Variants in TAFA1 observed in about 807,000 individuals in gnomAD.
TAFA1 encodes chemokine-like protein TAFA-1.
TAFA1 carries 4 observed loss-of-function variants against 18.5 expected under a neutral mutation model. The observed-to-expected ratio is 0.22, with a 90% confidence interval of 0.11 to 0.49. The LOEUF (loss-of-function observed/expected upper bound fraction) is 0.49. Among genes scored for constraint, TAFA1 ranks in the 20% least tolerant of loss-of-function variants. The pLI is 0.98. For missense variants in TAFA1, 147 were observed against 169.0 expected, an observed-to-expected ratio of 0.87 and a Z score of 0.72; for synonymous variants, 56 against 55.2, an observed-to-expected ratio of 1.01 and a Z score of -0.06.
chr3:68,161,452 C>T (rs2065924354), intron 2 of TAFA1, among the ~76,000 whole-genome samples: 1 of 152,088 alleles, frequency 6.6e-6, no homozygotes. Context: ...CGGACCTGCT[C>T]GATTAGAAAC....
intron 2 of TAFA1, among the ~76,000 whole-genome samples, chr3:68,275,181 G>A (rs887647972): frequency 6.6e-6 from 1 of 152,068 alleles, no homozygotes. Context: ...GAACTAGAAA[G>A]CAAGAGTCCT....
At chr3:68,212,496 G>A (rs12053924) in intron 2 of TAFA1, among the ~76,000 whole-genome samples, 75,810 of 151,658 alleles carry the variant, frequency 0.5, 19,802 homozygotes, top group East Asian at 0.71. Context: ...TTATAGGTCC[G>A]GATGACTTTG....
At chr3:68,349,799 C>T (rs1247818100) in intron 2 of TAFA1, among the ~76,000 whole-genome samples, 1 of 152,106 alleles carries the variant, frequency 6.6e-6, no homozygotes, top group Non-Finnish European at 1.5e-5. Context: ...AGATTATGAA[C>T]ATCTGATCTA....
intron 2 of TAFA1, among the ~76,000 whole-genome samples, chr3:68,382,325 G>A (rs574406209): frequency 2.0e-4 from 30 of 152,048 alleles, no homozygotes; most frequent in Non-Finnish European, 3.5e-4. Flanking sequence ...CTCTTTTTCT[G>A]TTGATTGGAA....
At chr3:68,490,855 G>A (rs1005446817) in intron 3 of TAFA1, among the ~76,000 whole-genome samples, 2 of 148,484 alleles carry the variant, frequency 1.3e-5, no homozygotes, top group Admixed American at 6.7e-5. Flanking sequence ...TTTTTTGTGG[G>A]GGGGACAGGG....
At chr3:68,025,117 A>C (rs1335312605) in intron 2 of TAFA1, among the ~76,000 whole-genome samples, 1 of 152,172 alleles carries the variant, frequency 6.6e-6, no homozygotes, top group African/African-American at 2.4e-5. Context: ...TCTTCATTGC[A>C]GTGAATAGCA....
Position 68,226,398 on chromosome 3 carries a change from C to T in TAFA1, c.119-190882C>T, listed in dbSNP as rs2066800595. On this transcript the variant is annotated intron_variant, in intron 2 of 4. Coordinates refer to ENST00000478136, the MANE Select transcript of TAFA1 (RefSeq NM_213609.4). ...TGACTCTCATGTTTCTTAGGGACATCATTTTATATGCATACGTGAATTATC... is the reference window on the plus strand; with the variant it reads ...TGACTCTCATGTTTCTTAGGGACATTATTTTATATGCATACGTGAATTATC... Among the ~76,000 whole-genome samples the T allele has an allele frequency of 4.6e-5, 7 of 152,304 alleles. No homozygotes were observed. In the South Asian group the frequency reaches 1.0e-3, roughly 23 times the overall value.
At chr3:68,217,470 G>T (rs2066673438) in intron 2 of TAFA1, among the ~76,000 whole-genome samples, 1 of 151,982 alleles carries the variant, frequency 6.6e-6, no homozygotes, top group African/African-American at 2.4e-5. Context: ...GAGACAGATG[G>T]CTCAATTATC....
chr3:68,110,054 T>G (rs1190914259), intron 2 of TAFA1, among the ~76,000 whole-genome samples: 1 of 151,676 alleles, frequency 6.6e-6, no homozygotes, highest in Non-Finnish European at 1.5e-5. Context: ...GCCATGGGGG[T>G]TTGCTGCACA....
intron 3 of TAFA1, among the ~76,000 whole-genome samples, chr3:68,437,783 C>T (rs1271052871): frequency 6.6e-6 from 1 of 152,106 alleles, no homozygotes; most frequent in Non-Finnish European, 1.5e-5. Context: ...TACAAATTTT[C>T]AAACCATAGC....
At chr3:68,042,645 A>C (rs1705189350) in intron 2 of TAFA1, among the ~76,000 whole-genome samples, 1 of 152,224 alleles carries the variant, frequency 6.6e-6, no homozygotes, top group Admixed American at 6.5e-5. Flanking sequence ...GCAAAACTCC[A>C]TCTCAAACAC....
intron 2 of TAFA1, among the ~76,000 whole-genome samples, chr3:68,089,058 G>A (rs1023994928): frequency 1.2e-4 from 19 of 152,194 alleles, no homozygotes; most frequent in Admixed American, 2.6e-4. Context: ...GAGGATGAGT[G>A]GGGGAGGAGA....
At chr3:67,992,836 C>CTCAAAGATAAA in the TAFA1 span, among the ~76,000 whole-genome samples, 1 of 152,080 alleles carries the variant, frequency 6.6e-6, no homozygotes, top group Non-Finnish European at 1.5e-5. Flanking sequence ...AACCTTTTTC[C>CTCAAAGATAAA]TCAAAGATAA....
chr3:68,285,463 C>A (rs1022887617), intron 2 of TAFA1, among the ~76,000 whole-genome samples: 2 of 151,426 alleles, frequency 1.3e-5, no homozygotes, highest in African/African-American at 4.9e-5. Flanking sequence ...TATATAGCAA[C>A]ATATATATAT....
At chr3:68,544,421 C>A in intron 4 of TAFA1, 65 bp from the exon 5 acceptor site, 1 of 1,523,650 alleles carries the variant, frequency 6.6e-7, no homozygotes, top group Non-Finnish European at 9.1e-7. Flanking sequence ...TCTACATAAT[C>A]ACATTTCTTT....
chr3:67,997,584 G>C, the TAFA1 span, among the ~76,000 whole-genome samples: 1 of 152,098 alleles, frequency 6.6e-6, no homozygotes, highest in African/African-American at 2.4e-5. Context: ...ACTCAAGCCA[G>C]ACAAAAGAGA....
chr3:68,423,318 C>T (rs187284345), intron 3 of TAFA1, among the ~76,000 whole-genome samples: 3 of 152,202 alleles, frequency 2.0e-5, no homozygotes, highest in South Asian at 4.2e-4. Context: ...CCATTTTATT[C>T]GCCAGGAAAC....
chr3:68,499,162 T>C (rs1414065501), intron 3 of TAFA1, among the ~76,000 whole-genome samples: 2 of 152,176 alleles, frequency 1.3e-5, no homozygotes, highest in African/African-American at 2.4e-5. Flanking sequence ...TGCAGAATTT[T>C]CATTTATACT....
intron 2 of TAFA1, among the ~76,000 whole-genome samples, chr3:68,062,273 T>C (rs1047788561): frequency 4.6e-5 from 7 of 152,188 alleles, no homozygotes; most frequent in Non-Finnish European, 8.8e-5. Flanking sequence ...CTGAAGCTCC[T>C]ATGCTTTTGT....
Sources: gnomAD v4.1 joint callset for allele counts (sites outside exome capture counted in the v4.1 genomes callset) on GRCh38, gnomAD v4.1.1 for gene constraint, MANE v1.5 for transcripts, NCBI Gene and HGNC (gene_info 2026-07-23, HGNC 2026-07-21) for gene names.